The following AKR1B1 variants were observed in gnomAD, a reference collection of about 807,000 sequenced individuals.
The protein encoded by AKR1B1 is aldo-keto reductase family 1 member B1.
A neutral mutation model predicts 40.4 loss-of-function variants in AKR1B1; 22 were observed. The observed-to-expected ratio is 0.54, with a 90% CI of 0.39 to 0.78. The LOEUF is 0.78. Among genes scored for constraint, AKR1B1 ranks in the 30% least tolerant of loss-of-function variants. The pLI is 0.00. For missense variants in AKR1B1, 357 were observed against 396.7 expected (o/e 0.90, Z 0.85); for synonymous variants, 157 against 149.9 (o/e 1.05, Z -0.35).
rs902961834 is a variant in AKR1B1, at chr7:134,451,476, C to A, written c.234+110G>T. On this transcript the variant is annotated intron_variant, in intron 2 of 9. Coordinates refer to ENST00000285930, the MANE Select transcript of AKR1B1 (RefSeq NM_001628.4). ...GGTGATACGTTTCCCCGGGAAGAAT[C>A]GCCCATCAGTGAAAAGTGTAGCTGT... 7.4e-6 allele frequency: 10 copies of A among 1,349,012 alleles called. No individual in the cohort carries two copies. In the Admixed American group the frequency reaches 8.6e-5, roughly 12 times the overall value. 83.6% of individuals were successfully genotyped at this position (1,349,012 alleles called of 1,614,324 possible). A position where few individuals can be genotyped will look rare whatever the true frequency, so the allele number is the denominator to read the frequency against.
chr7:134,446,033 AAG>A (rs889349813), intron 8 of AKR1B1, among the ~76,000 whole-genome samples: 18 of 152,262 alleles, frequency 1.2e-4, no homozygotes, highest in African/African-American at 3.9e-4. Context: ...AATGTGCAGA[AAG>A]AGAGTCTGCT....
chr7:134,451,367 G>A (rs1028577973), intron 2 of AKR1B1: 15 of 641,472 alleles, frequency 2.3e-5, no homozygotes, highest in African/African-American at 2.0e-4. Flanking sequence ...CATCAGCACG[G>A]GACTCTAAGC....
intron 3 of AKR1B1, among the ~76,000 whole-genome samples, chr7:134,450,092 G>A (rs1806238300): frequency 6.6e-6 from 1 of 152,208 alleles, no homozygotes; most frequent in African/African-American, 2.4e-5. Context: ...CAGGGCCCAA[G>A]GCCTGGCGGG....
intron 1 of AKR1B1, among the ~76,000 whole-genome samples, chr7:134,452,877 A>C (rs923387350): frequency 6.6e-6 from 1 of 152,142 alleles, no homozygotes; most frequent in African/African-American, 2.4e-5. Context: ...CTCACTCTCC[A>C]CCTCAGAGGG....
intron 1 of AKR1B1, among the ~76,000 whole-genome samples, chr7:134,457,779 C>T (rs1806516452): frequency 6.6e-6 from 1 of 152,076 alleles, no homozygotes; most frequent in African/African-American, 2.4e-5. Context: ...GTGGGAGGAG[C>T]GCTTTGAGCC....
In AKR1B1 at chr7:134,450,769, C is replaced by T. The variant is rs1222174873; in HGVS notation, c.351+17G>A. ...CCTGAGCCCCAAGGGACCTGGTCTG[C>T]ACCAGGCATCCCATACCTTAAAGCC... On this transcript the variant is annotated intron_variant, in intron 3 of 9. Coordinates refer to ENST00000285930, the MANE Select transcript of AKR1B1 (RefSeq NM_001628.4). The T allele has an allele frequency of 1.2e-6, 2 of 1,603,974 alleles. No individual in the cohort carries two copies. Among genetic ancestry groups the T allele is most frequent in the South Asian group, 2.2e-5 (2 of 90,854 alleles).
intron 2 of AKR1B1, 28 bp from the exon 3 acceptor site, chr7:134,450,930 C>T (rs2117457139): frequency 6.3e-7 from 1 of 1,578,162 alleles, no homozygotes; most frequent in South Asian, 1.1e-5. Context: ...CACATGTCAT[C>T]ATTGCCAGCC....
intron 1 of AKR1B1, among the ~76,000 whole-genome samples, chr7:134,457,135 C>CA (rs11417418): frequency 0.23 from 31,526 of 137,894 alleles, 3,907 homozygotes; most frequent in East Asian, 0.39. Context: ...GCCCCTGTCT[C>CA]AAAAAAAAAA....
At chr7:134,445,939 C>G (rs1396721558) in intron 8 of AKR1B1, among the ~76,000 whole-genome samples, 1 of 152,196 alleles carries the variant, frequency 6.6e-6, no homozygotes, top group East Asian at 1.9e-4. Flanking sequence ...GGGAGGGAGG[C>G]AGGCAGGCAC....
chr7:134,447,529 G>C, intron 7 of AKR1B1, 148 bp from the exon 8 acceptor site: 1 of 740,766 alleles, frequency 1.3e-6, no homozygotes, highest in Non-Finnish European at 2.4e-6. Context: ...GTCACAGCTA[G>C]CAACAGGTAG....
chr7:134,446,538 C>CT (rs1157324162), intron 8 of AKR1B1, among the ~76,000 whole-genome samples: 1 of 152,132 alleles, frequency 6.6e-6, no homozygotes, highest in Non-Finnish European at 1.5e-5. Context: ...AACAGAGGCT[C>CT]TTGGGCCATC....
chr7:134,459,176 GC>G, upstream of AKR1B1: 1 of 1,304,922 alleles, frequency 7.7e-7, no homozygotes, highest in Non-Finnish European at 1.1e-6. Flanking sequence ...GCGCGCCGCT[GC>G]GCGAAGGAGC....
intron 1 of AKR1B1, among the ~76,000 whole-genome samples, chr7:134,455,078 G>C (rs1384414521): frequency 6.6e-6 from 1 of 152,136 alleles, no homozygotes; most frequent in East Asian, 1.9e-4. Flanking sequence ...CCCATCCAAG[G>C]ATCTTGGGCC....
At chr7:134,453,695 G>A (rs536294979) in intron 1 of AKR1B1, among the ~76,000 whole-genome samples, 17 of 152,274 alleles carry the variant, frequency 1.1e-4, no homozygotes, top group African/African-American at 3.6e-4. Flanking sequence ...AAGAGGTCAC[G>A]AAGAAGCTGC....
intron 1 of AKR1B1, among the ~76,000 whole-genome samples, chr7:134,455,972 C>A (rs1200453944): frequency 6.6e-6 from 1 of 152,156 alleles, no homozygotes; most frequent in Non-Finnish European, 1.5e-5. Context: ...AAACCCTCAC[C>A]TGAGAAGAGA....
intron 4 of AKR1B1, 198 bp from the exon 5 acceptor site, chr7:134,449,317 T>A (rs189357831): frequency 8.7e-5 from 63 of 728,232 alleles, no homozygotes; most frequent in African/African-American, 7.0e-4. Context: ...CCGGGCGCGG[T>A]GGCTCACGCC....
chr7:134,456,706 A>T (rs1562911530), intron 1 of AKR1B1, among the ~76,000 whole-genome samples: 2 of 152,202 alleles, frequency 1.3e-5, no homozygotes, highest in Non-Finnish European at 2.9e-5. Flanking sequence ...AATTCAACAC[A>T]TAACTTTTGG....
At position 134,442,785 on chromosome 7, in the gene AKR1B1, G is replaced by A; in HGVS notation, c.909-15C>T. The A allele has an allele frequency of 6.2e-7, 1 of 1,613,880 alleles. No homozygotes were observed. The highest frequency in any genetic ancestry group is 1.1e-5 in the South Asian group (1 of 91,048). ...GGGAGGTACAGCTGTCAGGAGAAAG[G>A]AGAAAACAGTTGCTTTTTGAAGAGG... On this transcript the variant is annotated splice_polypyrimidine_tract_variant and intron_variant, in intron 9 of 9. Coordinates refer to ENST00000285930, the MANE Select transcript of AKR1B1 (RefSeq NM_001628.4).
In AKR1B1 at chr7:134,454,701, A is replaced by G. The variant is rs192639685; in HGVS notation, c.67-2948T>C. 1.6e-3 allele frequency among the ~76,000 whole-genome samples: 249 copies of G among 152,316 alleles called. 1 individual carries two copies. Among genetic ancestry groups the G allele is most frequent in the African/African-American group, 5.7e-3 (239 of 41,574 alleles). ...TAGCAGGTGTTACTACTGAAATCAA[A>G]GGATAAGGGGAGGGGGCAAAGGAAA... On this transcript the variant is annotated intron_variant, in intron 1 of 9. Coordinates refer to ENST00000285930, the MANE Select transcript of AKR1B1 (RefSeq NM_001628.4).
Sources: allele counts gnomAD v4.1 joint callset (sites outside exome capture counted in the v4.1 genomes callset), GRCh38; gene constraint gnomAD v4.1.1; transcripts MANE v1.5; gene names NCBI Gene and HGNC (gene_info 2026-07-23, HGNC 2026-07-21).